The following TBC1D32 variants were observed in gnomAD, a reference collection of about 807,000 sequenced individuals.
TBC1D32 encodes the protein protein broad-minded.
In TBC1D32, 151 loss-of-function variants were observed where a neutral mutation model predicts 170.3. The observed-to-expected ratio is 0.89, with a 90% CI of 0.78 to 1.01. The LOEUF (loss-of-function observed/expected upper bound fraction) is 1.01, where lower values mean the gene tolerates loss of function less well. Among genes scored for constraint, TBC1D32 ranks in the 50% least tolerant of loss-of-function variants. The pLI, the probability that TBC1D32 is intolerant of heterozygous loss-of-function variation, is 0.00. For missense variants in TBC1D32, 1,464 were observed against 1,457.1 expected (o/e 1.00, Z -0.08); for synonymous variants, 498 against 488.0 (o/e 1.02, Z -0.27).
chr6:121,301,918 C>T (rs1806540783), intron 9 of TBC1D32, among the ~76,000 whole-genome samples: 1 of 152,124 alleles, frequency 6.6e-6, no homozygotes, highest in South Asian at 2.1e-4. Context: ...GCGTGACCCA[C>T]CGCACCTGGC....
rs34914027 is a variant in TBC1D32 at position 121,247,695 on chromosome 6, C to CAAAAAAAAAAAAAAAAAAAAAAAAAAAAA, written c.2019-5357_2019-5356insTTTTTTTTTTTTTTTTTTTTTTTTTTTTT. Among the ~76,000 whole-genome samples the CAAAAAAAAAAAAAAAAAAAAAAAAAAAAA allele has an allele frequency of 1.3e-4, 6 of 46,570 alleles. 1 individual carries two copies. Among genetic ancestry groups the CAAAAAAAAAAAAAAAAAAAAAAAAAAAAA allele is most frequent in the African/African-American group, 2.0e-4 (2 of 9,800 alleles). 30.6% of individuals were successfully genotyped at this position (46,570 alleles called of 152,430 possible). ...ATATCAGATAAAACAGGCTTTAAAG[C>CAAAAAAAAAAAAAAAAAAAAAAAAAAAAA]AAAAAAAAAAAAAAAAAAAAAAAGA... On this transcript the variant is annotated intron_variant, in intron 17 of 31. Transcript: ENST00000398212.
chr6:121,161,764 G>A (rs1785694494), intron 22 of TBC1D32, among the ~76,000 whole-genome samples: 1 of 152,174 alleles, frequency 6.6e-6, no homozygotes, highest in South Asian at 2.1e-4. Flanking sequence ...TTGCCACACT[G>A]TCTTCCACAA....
chr6:121,225,544 T>C (rs986092834), intron 20 of TBC1D32, among the ~76,000 whole-genome samples: 4 of 152,176 alleles, frequency 2.6e-5, no homozygotes, highest in Non-Finnish European at 5.9e-5. Flanking sequence ...TATTTATACA[T>C]GAAGAATTCA....
At chr6:121,313,081 C>T (rs925079341) in intron 3 of TBC1D32, among the ~76,000 whole-genome samples, 47 of 150,918 alleles carry the variant, frequency 3.1e-4, no homozygotes, top group South Asian at 1.0e-3. Context: ...AATACAGGCA[C>T]ACAATGCCAT....
rs540037493 is a variant in TBC1D32, at chr6:121,223,414, T to C, written c.2365-62A>G. ...TTTTGTCAACCACATCCATGGAGAG[T>C]CATTAATGTAGTTTCCTATCTGTAT... On this transcript the variant is annotated intron_variant, in intron 20 of 31. Coordinates refer to ENST00000398212, the MANE Select transcript of TBC1D32 (RefSeq NM_152730.6). 2.2e-5 allele frequency: 24 copies of C among 1,091,856 alleles called. No individual in the cohort carries two copies. The African/African-American group carries it at 3.7e-4, about 17-fold the overall frequency. 67.6% of individuals were successfully genotyped at this position (1,091,856 alleles called of 1,614,324 possible).
chr6:121,090,714 T>G, intron 31 of TBC1D32, 139 bp downstream of exon 31: 1 of 725,778 alleles, frequency 1.4e-6, no homozygotes. Context: ...TACTCATCTC[T>G]AAAATGGGGA....
intron 21 of TBC1D32, among the ~76,000 whole-genome samples, chr6:121,213,044 A>G (rs1793289919): frequency 6.6e-6 from 1 of 152,210 alleles, no homozygotes; most frequent in Non-Finnish European, 1.5e-5. Context: ...TTGAAGGAAC[A>G]TATCTCAAAA....
rs185542799 is a variant in TBC1D32 at position 121,125,137 on chromosome 6, T to C, written c.2983+1241A>G. On this transcript the variant is annotated intron_variant, in intron 26 of 31. Coordinates refer to ENST00000398212, the MANE Select transcript of TBC1D32 (RefSeq NM_152730.6). ...GCAGAATTATGTATTTATTTTACTC[T>C]TTGCAGTCTAGCTTTATTTGTGCCT... 6.6e-4 allele frequency among the ~76,000 whole-genome samples: 101 copies of C among 152,328 alleles called. 1 individual carries two copies. The highest frequency in any genetic ancestry group is 2.3e-3 in the African/African-American group (96 of 41,574).
chr6:121,183,718 T>C (rs1204694613), intron 22 of TBC1D32, among the ~76,000 whole-genome samples: 3 of 151,982 alleles, frequency 2.0e-5, no homozygotes, highest in Non-Finnish European at 2.9e-5. Flanking sequence ...CTAAAATATA[T>C]TACATAAATA....
At chr6:121,197,059 A>G (rs1172243401) in intron 22 of TBC1D32, among the ~76,000 whole-genome samples, 1 of 152,224 alleles carries the variant, frequency 6.6e-6, no homozygotes, top group Non-Finnish European at 1.5e-5. Flanking sequence ...CCACCTGGAT[A>G]CTTTGGGTTT....
At chr6:121,300,062 A>T (rs1203232378) in intron 9 of TBC1D32, among the ~76,000 whole-genome samples, 2 of 152,232 alleles carry the variant, frequency 1.3e-5, no homozygotes, top group Non-Finnish European at 2.9e-5. Flanking sequence ...AGCATTGTAC[A>T]AAGCCAGGGA....
Position 121,282,888 on chromosome 6 carries a change from G to A in TBC1D32, c.1465+930C>T, listed in dbSNP as rs565041571. Among the ~76,000 whole-genome samples, 18 of 151,870 alleles carry A rather than the reference G, an allele frequency of 1.2e-4. No individual in the cohort carries two copies. In the East Asian group the frequency reaches 3.3e-3, roughly 28 times the overall value. On this transcript the variant is annotated intron_variant, in intron 13 of 31. Transcript: ENST00000398212. ...TCTTTATACATGTAAATGCTGTAAA[G>A]ACAGAAAAAAGTCTGAGAACCACTG...
intron 15 of TBC1D32, among the ~76,000 whole-genome samples, chr6:121,274,686 C>CA (rs1459725053): frequency 7.3e-5 from 11 of 150,972 alleles, no homozygotes; most frequent in South Asian, 2.1e-4. Flanking sequence ...AATTAAACAC[C>CA]AAAAAAAGAC....
intron 21 of TBC1D32, among the ~76,000 whole-genome samples, chr6:121,215,960 C>T (rs543973752): frequency 3.3e-5 from 5 of 152,206 alleles, no homozygotes; most frequent in South Asian, 2.1e-4. Context: ...CCCCAAACAG[C>T]GATAAATAGA....
In TBC1D32 at chr6:121,277,255, AG is replaced by A. The variant is rs1310498801; in HGVS notation, c.1733+1865del. ...TATAATCCCAGTACTTTGGGGGCCA[AG>A]GCAGGTGAATCACTTGAGGTCAGGA... On this transcript the variant is annotated intron_variant, in intron 15 of 31. Coordinates refer to ENST00000398212, the MANE Select transcript of TBC1D32 (RefSeq NM_152730.6). 2.6e-5 allele frequency among the ~76,000 whole-genome samples: 4 copies of A among 152,148 alleles called. No homozygotes were observed. In the East Asian group the frequency reaches 7.7e-4, roughly 29 times the overall value.
chr6:121,305,964 A>C (rs897733461), intron 5 of TBC1D32, among the ~76,000 whole-genome samples: 2 of 152,126 alleles, frequency 1.3e-5, no homozygotes, highest in African/African-American at 4.8e-5. Flanking sequence ...AAATGGCTAC[A>C]ATTTGCTATT....
intron 24 of TBC1D32, among the ~76,000 whole-genome samples, chr6:121,141,298 T>C (rs1782753482): frequency 1.3e-5 from 2 of 152,024 alleles, no homozygotes; most frequent in Non-Finnish European, 2.9e-5. Context: ...AGGACACCCA[T>C]GGGAAGAGTA....
At chr6:121,315,231 C>T (rs1392642841) in intron 3 of TBC1D32, among the ~76,000 whole-genome samples, 3 of 152,156 alleles carry the variant, frequency 2.0e-5, no homozygotes, top group Admixed American at 1.3e-4. Flanking sequence ...TATTAAAAGG[C>T]TCACTTTTTT....
chr6:121,133,428 T>A (rs113035412), intron 24 of TBC1D32, among the ~76,000 whole-genome samples: 3,222 of 152,062 alleles, frequency 0.021, 50 homozygotes, highest in African/African-American at 0.045. Context: ...GAAATGCACA[T>A]GTCATATAAA....
Sources: allele counts gnomAD v4.1 joint callset (sites outside exome capture counted in the v4.1 genomes callset), GRCh38; gene constraint gnomAD v4.1.1; transcripts MANE v1.5; gene names NCBI Gene and HGNC (gene_info 2026-07-23, HGNC 2026-07-21).